KIF2C: variants seen among roughly 807,000 people sequenced by gnomAD.
KIF2C encodes kinesin family member 2C, also known as kinesin-like protein KIF2C.
KIF2C carries 34 observed loss-of-function variants against 97.4 expected under a neutral mutation model. The ratio of observed to expected loss-of-function variants is 0.35; its 90% CI spans 0.27 to 0.46. The LOEUF is 0.46. Ranked by LOEUF, KIF2C falls within the 20% of genes least tolerant of loss-of-function variation. KIF2C has a pLI of 1.00. For synonymous variants in KIF2C, 313 were observed against 318.2 expected, an observed-to-expected ratio of 0.98 and a Z score of 0.17; for missense variants, 750 against 907.6, an observed-to-expected ratio of 0.83 and a Z score of 2.23.
At chr1:44,752,161 CAG>C (rs1557593811) in intron 5 of KIF2C, among the ~76,000 whole-genome samples, 2 of 75,324 alleles carry the variant, frequency 2.7e-5, no homozygotes, top group African/African-American at 1.1e-4. Context: ...TTTTTTGAGA[CAG>C]AGTCTCGCTC....
At chr1:44,743,312 C>T (rs1329385551) in intron 2 of KIF2C, among the ~76,000 whole-genome samples, 1 of 152,040 alleles carries the variant, frequency 6.6e-6, no homozygotes, top group East Asian at 1.9e-4. Flanking sequence ...ATGTTTCTGC[C>T]CCTCTTCGAA....
Position 44,754,773 on chromosome 1 carries a change from C to T in KIF2C, c.687C>T (p.Asn229=). 1 of 1,612,902 alleles carries T rather than the reference C, an allele frequency of 6.2e-7. No individual in the cohort carries two copies. The highest frequency in any genetic ancestry group is 8.5e-7 in the Non-Finnish European group (1 of 1,178,884). The change falls in exon 8 of 21, where the codon AAC becomes AAT. Residue 229 remains asparagine (N), a synonymous_variant. Transcript: ENST00000372224. ...AGGAGTATGACAGTAGTTTTCCAAACTGGGAATTTGCCCGAATGATTAAAG... is the reference window on the plus strand; with the variant it reads ...AGGAGTATGACAGTAGTTTTCCAAATTGGGAATTTGCCCGAATGATTAAAG... ...RAQEYDSSFP[N]WEFARMIKEF...
intron 13 of KIF2C, chr1:44,758,979 G>T: frequency 1.8e-6 from 1 of 543,652 alleles, no homozygotes; most frequent in Non-Finnish European, 3.3e-6. Context: ...TTATTAACTT[G>T]CCCAGGCTCA....
At chr1:44,752,988 A>G in intron 5 of KIF2C, 144 bp from the exon 6 acceptor site, 2 of 985,970 alleles carry the variant, frequency 2.0e-6, no homozygotes, top group Non-Finnish European at 3.0e-6. Flanking sequence ...GCTGAGGTGA[A>G]GGGAAAAGCA....
intron 2 of KIF2C, among the ~76,000 whole-genome samples, chr1:44,742,845 T>G (rs187240101): frequency 6.6e-5 from 10 of 152,200 alleles, no homozygotes; most frequent in African/African-American, 2.2e-4. Flanking sequence ...ATAACCTGGT[T>G]GAGGAGACAA....
At position 44,766,472 on chromosome 1, in the gene KIF2C, G is replaced by A. The variant is rs187654279; in HGVS notation, c.1972-354G>A. On this transcript the variant is annotated intron_variant, in intron 19 of 20. Coordinates refer to ENST00000372224, the MANE Select transcript of KIF2C (RefSeq NM_006845.4). ...ACTAAAAATACAAAATTAGCTGGGC[G>A]TGGTAGCACTTGCCTGTAATCCCAG... Among the ~76,000 whole-genome samples, 852 of 151,236 alleles carry A rather than the reference G, an allele frequency of 5.6e-3. 5 individuals carry two copies. The highest frequency in any genetic ancestry group is 0.017 in the Middle Eastern group (5 of 292).
In KIF2C at chr1:44,750,494, G is replaced by T. The variant is rs771986289; in HGVS notation, c.369G>T (p.Thr123=). 2.5e-6 allele frequency: 4 copies of T among 1,592,064 alleles called. No homozygotes were observed. Among genetic ancestry groups the T allele is most frequent in the East Asian group, 2.3e-5 (1 of 43,610 alleles). ...CCACTGTCTCAGAGCTTCGCATCACGGCTCAGGAGAATGACATGGAGGTGG... is the reference window on the plus strand; with the variant it reads ...CCACTGTCTCAGAGCTTCGCATCACTGCTCAGGAGAATGACATGGAGGTGG... ...RMSTVSELRI[T]AQENDMEVEL... is the part of the protein sequence containing the mutation. Residue 123 remains threonine, a synonymous_variant, in exon 5 of 21, where the codon ACG becomes ACT. Transcript: ENST00000372224.
rs547429455 is a variant in KIF2C, at chr1:44,747,368, T to C, written c.166-16T>C. 2 of 1,588,444 alleles carry C rather than the reference T, an allele frequency of 1.3e-6. No individual in the cohort carries two copies. The highest frequency in any genetic ancestry group is 1.4e-5 in the African/African-American group (1 of 73,874). On this transcript the variant is annotated splice_polypyrimidine_tract_variant and intron_variant, in intron 2 of 20. Coordinates refer to ENST00000372224, the MANE Select transcript of KIF2C (RefSeq NM_006845.4). ...AACAATGTTGTTTCATTGAAACTTT[T>C]ACTTGCTCCTTGCAGATTGATTTTG... is the stretch of plus-strand genomic sequence containing the variant.
rs1156431398 is a variant in KIF2C at position 44,746,796 on chromosome 1, G to C, written c.166-588G>C. On this transcript the variant is annotated intron_variant, in intron 2 of 20. Transcript: ENST00000372224. ...TTAAGGAGTAACTATTTGTTTTATA[G>C]CTATTCATACTTAGTGGAACTTAAA... The C allele has an allele frequency of 4.4e-6, 7 of 1,587,156 alleles. No homozygotes were observed. In the African/African-American group the frequency reaches 5.4e-5, roughly 12 times the overall value.
chr1:44,750,343 GCTGGGACCTATTT>G (rs1649440920), intron 4 of KIF2C, 86 bp from the exon 5 acceptor site: 1 of 1,248,934 alleles, frequency 8.0e-7, no homozygotes, highest in Admixed American at 3.1e-5. Context: ...TTTCCTGGTA[GCTGGGACCTATTT>G]CACCTTGTAC....
At chr1:44,757,502 T>C in intron 10 of KIF2C, 54 bp from the exon 11 acceptor site, 2 of 1,135,594 alleles carry the variant, frequency 1.8e-6, no homozygotes, top group Non-Finnish European at 2.7e-6. Flanking sequence ...TGGCAGGACA[T>C]GTTCCAGGGA....
intron 2 of KIF2C, among the ~76,000 whole-genome samples, chr1:44,747,029 C>A (rs1419066444): frequency 6.6e-6 from 1 of 151,920 alleles, no homozygotes; most frequent in Admixed American, 6.6e-5. Context: ...TCGGGGGGGC[C>A]AGGCACAGTG....
chr1:44,767,474 G>A lies in KIF2C; in HGVS notation c.*295G>A, dbSNP rs1177046828. On this transcript the variant is annotated 3_prime_UTR_variant, in exon 21 of 21. Transcript: ENST00000372224. Reference sequence around the variant, plus strand: ...ATGTTCTCAGCATAGAGCTTTCTCCGCAGCATCCTGCCTGCGTGGACTGGC... The same window carrying A: ...ATGTTCTCAGCATAGAGCTTTCTCCACAGCATCCTGCCTGCGTGGACTGGC... 12 of 320,956 alleles carry A rather than the reference G, an allele frequency of 3.7e-5. No individual in the cohort carries two copies. The highest frequency in any genetic ancestry group is 1.4e-4 in the Admixed American group (3 of 22,168). 19.9% of individuals were successfully genotyped at this position (320,956 alleles called of 1,614,324 possible).
Position 44,767,102 on chromosome 1 carries a change from A to C in KIF2C, c.2101A>C (p.Ile701Leu). Residue 701 changes from isoleucine to leucine, a missense_variant, in exon 21 of 21, where the codon ATC becomes CTC. Coordinates refer to ENST00000372224, the MANE Select transcript of KIF2C (RefSeq NM_006845.4). ...ACCGCTACCCTTTCTTCCAGATGTC[A>C]TCAAGGCCTTGCGCCTGGCCATGCA... is the stretch of plus-strand genomic sequence containing the variant. ...AKHFSALRDV[I>L]KALRLAMQLE... The C allele has an allele frequency of 1.2e-6, 2 of 1,614,148 alleles. No homozygotes were observed. The highest frequency in any genetic ancestry group is 1.1e-5 in the South Asian group (1 of 91,070).
chr1:44,743,401 A>AT (rs879439715), intron 2 of KIF2C, among the ~76,000 whole-genome samples: 5 of 152,180 alleles, frequency 3.3e-5, no homozygotes, highest in Non-Finnish European at 5.9e-5. Context: ...TACTCAGCAC[A>AT]TTTTTTGGAC....
In KIF2C at chr1:44,740,990, G is replaced by A; in HGVS notation, c.148G>A (p.Ala50Thr). ...TTCAGTGGAATGGGCAGAAGGAGGT[G>A]CCACAAAGGGCAAAGAGGTAGGTTC... is the stretch of plus-strand genomic sequence containing the variant. ...CVSVEWAEGG[A>T]TKGKEIDFDD... The change falls in exon 2 of 21, where the codon GCC becomes ACC. Residue 50 changes from alanine to threonine, a missense_variant. Transcript: ENST00000372224. The A allele has an allele frequency of 6.2e-7, 1 of 1,613,386 alleles. No individual in the cohort carries two copies. Among genetic ancestry groups the A allele is most frequent in the Non-Finnish European group, 8.5e-7 (1 of 1,179,444 alleles).
chr1:44,756,680 A>G (rs35932693), intron 10 of KIF2C, among the ~76,000 whole-genome samples: 40,015 of 147,918 alleles, frequency 0.27, 6,591 homozygotes, highest in African/African-American at 0.47. Context: ...AGCCTCCCAC[A>G]TAGCTGGGAT....
At chr1:44,762,485 G>C (rs760070198) in intron 18 of KIF2C, 34 bp downstream of exon 18, 3 of 1,609,996 alleles carry the variant, frequency 1.9e-6, no homozygotes, top group Middle Eastern at 1.7e-4. Flanking sequence ...CAAGACAGAA[G>C]TGTGGCCTGC....
At chr1:44,764,742 C>G (rs2148836088) in intron 19 of KIF2C, among the ~76,000 whole-genome samples, 1 of 151,340 alleles carries the variant, frequency 6.6e-6, no homozygotes, top group African/African-American at 2.4e-5. Flanking sequence ...CTCCCTACCT[C>G]AGGTGATCCT....
Sources: gnomAD v4.1 joint callset for allele counts (sites outside exome capture counted in the v4.1 genomes callset) on GRCh38, gnomAD v4.1.1 for gene constraint, MANE v1.5 for transcripts, NCBI Gene and HGNC (gene_info 2026-07-23, HGNC 2026-07-21) for gene names.